Variants in ZNF829 observed in about 807,000 individuals in gnomAD.
ZNF829 encodes zinc finger protein 829.
ZNF829 carries 25 observed loss-of-function variants against 35.2 expected under a neutral mutation model. That is an observed-to-expected ratio of 0.71 (90% confidence interval 0.52 to 0.99). ZNF829 has a LOEUF of 0.99. Ranked by LOEUF, ZNF829 falls within the 50% of genes least tolerant of loss-of-function variation. The pLI, the probability that ZNF829 is intolerant of heterozygous loss-of-function variation, is 0.00. For synonymous variants in ZNF829, 136 were observed against 163.2 expected (o/e 0.83, Z 1.27); for missense variants, 417 against 515.3 (o/e 0.81, Z 1.85).
chr19:36,891,326 CTT>C lies in ZNF829; in HGVS notation c.*164_*165del. The C allele has an allele frequency of 1.6e-6, 1 of 632,940 alleles. No individual in the cohort carries two copies. Among genetic ancestry groups the C allele is most frequent in the South Asian group, 3.8e-5 (1 of 26,484 alleles). 39.2% of individuals were successfully genotyped at this position (632,940 alleles called of 1,614,324 possible). On this transcript the variant is annotated 3_prime_UTR_variant, in exon 6 of 6. Transcript: ENST00000391711. ...CTAAACTATGAGAGAATAAATTTCT[CTT>C]GTTTTAAGCCACCAAGGTTTTGGTA...
chr19:36,912,048 C>T (rs953635736), intron 3 of ZNF829, among the ~76,000 whole-genome samples: 1 of 152,192 alleles, frequency 6.6e-6, no homozygotes, highest in Non-Finnish European at 1.5e-5. Context: ...TTTTCTTTTC[C>T]TTACCTCCTC....
At chr19:36,901,928 C>T (rs995247295) in intron 5 of ZNF829, 16 of 761,452 alleles carry the variant, frequency 2.1e-5, no homozygotes, top group African/African-American at 3.4e-5. Flanking sequence ...TCCAGATGTG[C>T]GCACTGATAC....
chr19:36,904,015 CTA>C, intron 5 of ZNF829, among the ~76,000 whole-genome samples: 1 of 152,176 alleles, frequency 6.6e-6, no homozygotes, highest in Middle Eastern at 3.4e-3. Context: ...TCCTAAGTGA[CTA>C]TTATTAAGCA....
intron 5 of ZNF829, among the ~76,000 whole-genome samples, chr19:36,897,356 C>T (rs188298084): frequency 1.1e-3 from 170 of 152,044 alleles, no homozygotes; most frequent in African/African-American, 3.7e-3. Context: ...TAATATACAA[C>T]GATTAAGTGA....
chr19:36,899,270 C>G (rs951763205), intron 5 of ZNF829, among the ~76,000 whole-genome samples: 3 of 151,848 alleles, frequency 2.0e-5, no homozygotes, highest in Non-Finnish European at 4.4e-5. Flanking sequence ...GGAGACCCCC[C>G]CCGATCTCTA....
In ZNF829 at chr19:36,890,022, G is replaced by C. The variant is rs1457200663; in HGVS notation, c.*1470C>G. 6.6e-6 allele frequency: 1 copy of C among 151,988 alleles called. No homozygotes were observed. Among genetic ancestry groups the C allele is most frequent in the African/African-American group, 2.4e-5 (1 of 41,388 alleles). 9.4% of individuals were successfully genotyped at this position (151,988 alleles called of 1,614,324 possible). A position where few individuals can be genotyped will look rare whatever the true frequency, so the allele number is the denominator to read the frequency against. On this transcript the variant is annotated 3_prime_UTR_variant, in exon 6 of 6. Coordinates refer to ENST00000391711, the MANE Select transcript of ZNF829 (RefSeq NM_001037232.4). ...AAATTTCCACCTTAGTTTCATCATTGATCCAAAAATCATTCAGGAGCAAGC... is the reference window on the plus strand; with the variant it reads ...AAATTTCCACCTTAGTTTCATCATTCATCCAAAAATCATTCAGGAGCAAGC...
chr19:36,896,730 C>G (rs1056010592), intron 5 of ZNF829, among the ~76,000 whole-genome samples: 6 of 152,170 alleles, frequency 3.9e-5, no homozygotes, highest in African/African-American at 1.4e-4. Context: ...GGCCATAAGA[C>G]AAGTTATAAC....
At position 36,888,814 on chromosome 19, in the gene ZNF829, C is replaced by G. The variant is rs1338716672; in HGVS notation, c.*2678G>C. The G allele has an allele frequency of 6.6e-6, 1 of 152,176 alleles. No homozygotes were observed. Among genetic ancestry groups the G allele is most frequent in the Admixed American group, 6.6e-5 (1 of 15,260 alleles). 9.4% of individuals were successfully genotyped at this position (152,176 alleles called of 1,614,324 possible). A position where few individuals can be genotyped will look rare whatever the true frequency, so the allele number is the denominator to read the frequency against. On this transcript the variant is annotated 3_prime_UTR_variant, in exon 6 of 6. Transcript: ENST00000391711. ...ACATTCAAGCAATTTGCTCTGTTGC[C>G]CAGGCTGGAGTGCAATGGCACTATC...
chr19:36,908,454 C>A lies in ZNF829; in HGVS notation c.102G>T (p.Pro34=), dbSNP rs941304990. Residue 34 remains proline (P), a synonymous_variant, in exon 4 of 6, where the codon CCG becomes CCT. Transcript: ENST00000391711. ...CTATGGAAACATCCCTGAACATCAC[C>A]GGCCCCTGAAACAACAAACATGCTT... ...DELLQAVSKG[P]VMFRDVSIDF... is the part of the protein sequence containing the mutation. The A allele has an allele frequency of 1.9e-6, 3 of 1,593,818 alleles. No individual in the cohort carries two copies. The highest frequency in any genetic ancestry group is 4.5e-5 in the East Asian group (2 of 44,466).
At chr19:36,894,671 A>C (rs886884750) in intron 5 of ZNF829, among the ~76,000 whole-genome samples, 1 of 152,142 alleles carries the variant, frequency 6.6e-6, no homozygotes, top group African/African-American at 2.4e-5. Context: ...CACAATTGAG[A>C]GCTTCAACAA....
intron 5 of ZNF829, among the ~76,000 whole-genome samples, chr19:36,895,309 C>T (rs543518): frequency 0.26 from 40,073 of 151,956 alleles, 5,941 homozygotes; most frequent in African/African-American, 0.4. Flanking sequence ...AAAGGGTGTC[C>T]TACATCTGGA....
chr19:36,902,322 C>CA (rs2073174690), intron 5 of ZNF829, among the ~76,000 whole-genome samples: 1 of 152,160 alleles, frequency 6.6e-6, no homozygotes, highest in Admixed American at 6.6e-5. Flanking sequence ...TTTATCAGTG[C>CA]AAAATGTAAA....
chr19:36,896,336 A>G (rs2073113030), intron 5 of ZNF829, among the ~76,000 whole-genome samples: 1 of 151,332 alleles, frequency 6.6e-6, no homozygotes, highest in Non-Finnish European at 1.5e-5. Context: ...AAAAAAAATT[A>G]GCTGGGCGTG....
chr19:36,896,251 A>C (rs2073111435), intron 5 of ZNF829, among the ~76,000 whole-genome samples: 1 of 151,566 alleles, frequency 6.6e-6, no homozygotes, highest in African/African-American at 2.4e-5. Context: ...ACGGAGCCTG[A>C]AGTGAGCCGG....
chr19:36,911,137 T>A (rs1329439251), intron 3 of ZNF829, among the ~76,000 whole-genome samples: 1 of 152,148 alleles, frequency 6.6e-6, no homozygotes, highest in Non-Finnish European at 1.5e-5. Context: ...TCTAAATTTT[T>A]GGCTGGCTAG....
chr19:36,906,054 G>C (rs1278331363), intron 5 of ZNF829: 1 of 152,064 alleles, frequency 6.6e-6, no homozygotes, highest in Non-Finnish European at 1.5e-5. Context: ...AATGAAATTT[G>C]ACCCCTACCT....
intron 2 of ZNF829, 31 bp downstream of exon 2, chr19:36,915,099 G>C (rs1344574290): frequency 2.5e-6 from 4 of 1,613,980 alleles, no homozygotes; most frequent in Middle Eastern, 3.3e-4. Context: ...GATTAGTCAA[G>C]TAAGAGTTCT....
At chr19:36,915,283 T>A in intron 1 of ZNF829, 32 bp from the exon 2 acceptor site, 1 of 1,583,472 alleles carries the variant, frequency 6.3e-7, no homozygotes. Context: ...CACAATCGCA[T>A]AGTTGACAGG....
Position 36,891,786 on chromosome 19 carries a change from A to C in ZNF829, c.1005T>G (p.Ser335Arg). 6.2e-7 allele frequency: 1 copy of C among 1,614,106 alleles called. No homozygotes were observed. Among genetic ancestry groups the C allele is most frequent in the East Asian group, 2.2e-5 (1 of 44,864 alleles). Residue 335 changes from serine (S) to arginine (R), a missense_variant, in exon 6 of 6, where the codon AGT (serine) becomes AGG (arginine). Transcript: ENST00000391711. Reference sequence around the variant, plus strand: ...TGTGATGGTTAGTAAGTGTTGAGGCACTATTAAAGGCCTTCCCACACTGCT... The same window carrying C: ...TGTGATGGTTAGTAAGTGTTGAGGCCCTATTAAAGGCCTTCCCACACTGCT... ...ECKQCGKAFN[S>R]ASTLTNHHRI...
Sources: allele counts gnomAD v4.1 joint callset (sites outside exome capture counted in the v4.1 genomes callset), GRCh38; gene constraint gnomAD v4.1.1; transcripts MANE v1.5; gene names NCBI Gene and HGNC (gene_info 2026-07-23, HGNC 2026-07-21).